Variants in NDST4 observed in about 807,000 individuals in gnomAD.
The protein encoded by NDST4 is N-heparan sulfate sulfotransferase 4.
A neutral mutation model predicts 100.8 loss-of-function variants in NDST4; 63 were observed. That is an observed-to-expected ratio of 0.62 (90% confidence interval 0.51 to 0.77). NDST4 has a LOEUF of 0.77. Among genes scored for constraint, NDST4 ranks in the 30% least tolerant of loss-of-function variants. The probability of loss-of-function intolerance (pLI) is 0.00; values close to 1 mark genes in which losing one functional copy is unlikely to be tolerated. For synonymous variants in NDST4, 377 were observed against 361.8 expected, an observed-to-expected ratio of 1.04 and a Z score of -0.48; for missense variants, 943 against 1,018.4, an observed-to-expected ratio of 0.93 and a Z score of 1.01.
intron 2 of NDST4, among the ~76,000 whole-genome samples, chr4:115,058,629 A>C (rs1221185982): frequency 6.6e-6 from 1 of 152,146 alleles, no homozygotes; most frequent in Non-Finnish European, 1.5e-5. Context: ...AGACATTTAA[A>C]ATAAAGATGT....
At chr4:115,038,981 A>G (rs546282800) in intron 2 of NDST4, among the ~76,000 whole-genome samples, 1 of 147,776 alleles carries the variant, frequency 6.8e-6, no homozygotes, top group Admixed American at 6.6e-5. Flanking sequence ...CTACCTCAGA[A>G]AGAAAAAAAA....
intron 6 of NDST4, among the ~76,000 whole-genome samples, chr4:114,885,715 C>T (rs1441356208): frequency 1.3e-5 from 2 of 151,734 alleles, no homozygotes; most frequent in Non-Finnish European, 2.9e-5. Flanking sequence ...TTCTGTATTC[C>T]CATAGGATTT....
intron 7 of NDST4, among the ~76,000 whole-genome samples, chr4:114,861,693 G>T (rs72679768): frequency 0.1 from 15,462 of 151,856 alleles, 1,059 homozygotes; most frequent in African/African-American, 0.18. Context: ...GCCAACTTGA[G>T]GATATAGATT....
chr4:114,904,152 T>C (rs1026336597), intron 6 of NDST4, among the ~76,000 whole-genome samples: 11 of 152,034 alleles, frequency 7.2e-5, no homozygotes, highest in African/African-American at 2.7e-4. Flanking sequence ...AGTGCTATCC[T>C]TTTCCATATT....
intron 10 of NDST4, among the ~76,000 whole-genome samples, chr4:114,844,223 C>T (rs1210543422): frequency 6.6e-6 from 1 of 152,194 alleles, no homozygotes. Flanking sequence ...AGTGTGATTT[C>T]TCCAAAGAGT....
intron 1 of NDST4, among the ~76,000 whole-genome samples, chr4:115,096,783 T>G (rs1463520136): frequency 1.3e-5 from 2 of 152,160 alleles, no homozygotes; most frequent in Admixed American, 6.6e-5. Context: ...CGCTATATTT[T>G]GTTCCTGTCT....
chr4:115,017,302 T>C (rs1334579700), intron 2 of NDST4, among the ~76,000 whole-genome samples: 1 of 152,100 alleles, frequency 6.6e-6, no homozygotes, highest in East Asian at 1.9e-4. Flanking sequence ...TCTTTAATTA[T>C]ACTTTGGGGT....
intron 1 of NDST4, among the ~76,000 whole-genome samples, chr4:115,110,726 G>T (rs1459786739): frequency 6.6e-6 from 1 of 151,610 alleles, no homozygotes; most frequent in Non-Finnish European, 1.5e-5. Flanking sequence ...AGGCTTATTT[G>T]CATTTTTTCA....
chr4:115,095,552 C>A (rs1035295302), intron 1 of NDST4, among the ~76,000 whole-genome samples: 19 of 151,970 alleles, frequency 1.3e-4, no homozygotes, highest in Admixed American at 1.3e-4. Context: ...TTTCTACTCC[C>A]TAAAATCCTC....
At position 114,829,788 on chromosome 4, in the gene NDST4, A is replaced by G; in HGVS notation, c.2499+2T>C. 1.3e-6 allele frequency: 2 copies of G among 1,585,602 alleles called. No homozygotes were observed. Among genetic ancestry groups the G allele is most frequent in the African/African-American group, 1.4e-5 (1 of 73,234 alleles). ...GTAATTCAAAGATTAAAAAATTATT[A>G]CCTCTGGATCCATAGGTGGATATTT... On this transcript the variant is annotated splice_donor_variant, in intron 13 of 13. Coordinates refer to ENST00000264363, the MANE Select transcript of NDST4 (RefSeq NM_022569.3). LOFTEE classifies it high-confidence loss of function.
At chr4:114,835,080 A>AT (rs1029503793) in intron 11 of NDST4, among the ~76,000 whole-genome samples, 19 of 152,048 alleles carry the variant, frequency 1.2e-4, no homozygotes, top group African/African-American at 4.6e-4. Flanking sequence ...GGATTCATGG[A>AT]TTTTTTGAAA....
chr4:115,060,325 C>A (rs935930736), intron 2 of NDST4, among the ~76,000 whole-genome samples: 1 of 151,864 alleles, frequency 6.6e-6, no homozygotes, highest in African/African-American at 2.4e-5. Flanking sequence ...GGAATTAACT[C>A]TATTTACTGT....
chr4:114,869,787 T>G (rs1275734036), intron 7 of NDST4, among the ~76,000 whole-genome samples: 1 of 152,192 alleles, frequency 6.6e-6, no homozygotes, highest in African/African-American at 2.4e-5. Context: ...AAAAAATTTA[T>G]TTTGTTCTTT....
chr4:114,973,284 T>C (rs1726555116), intron 3 of NDST4, among the ~76,000 whole-genome samples: 1 of 152,002 alleles, frequency 6.6e-6, no homozygotes, highest in South Asian at 2.1e-4. Flanking sequence ...ATACCTAATA[T>C]ATACTTAAAG....
chr4:114,914,602 A>G (rs1231738702), intron 6 of NDST4, among the ~76,000 whole-genome samples: 3 of 152,202 alleles, frequency 2.0e-5, no homozygotes, highest in Non-Finnish European at 4.4e-5. Flanking sequence ...GACTGTGTGT[A>G]GACTATGGGG....
At chr4:115,016,692 C>T (rs181223658) in intron 2 of NDST4, among the ~76,000 whole-genome samples, 1 of 152,150 alleles carries the variant, frequency 6.6e-6, no homozygotes, top group Admixed American at 6.6e-5. Flanking sequence ...GTATGCAATA[C>T]AGGAGATACC....
intron 2 of NDST4, among the ~76,000 whole-genome samples, chr4:115,031,259 T>G (rs1035342136): frequency 6.6e-6 from 1 of 152,134 alleles, no homozygotes; most frequent in Admixed American, 6.6e-5. Context: ...TTGTTTTTAA[T>G]GCCTCCTGCT....
chr4:114,850,131 A>G (rs1169113302), intron 8 of NDST4, among the ~76,000 whole-genome samples: 2 of 152,206 alleles, frequency 1.3e-5, no homozygotes, highest in Admixed American at 6.5e-5. Context: ...CACAAATGAG[A>G]AAATTGATAG....
intron 2 of NDST4, among the ~76,000 whole-genome samples, chr4:115,074,354 A>T (rs953045998): frequency 6.6e-6 from 1 of 152,056 alleles, no homozygotes; most frequent in Non-Finnish European, 1.5e-5. Context: ...ATTGATCTTT[A>T]GCCTGAAACT....
Sources: allele counts gnomAD v4.1 joint callset (sites outside exome capture counted in the v4.1 genomes callset), GRCh38; gene constraint gnomAD v4.1.1; transcripts MANE v1.5; gene names NCBI Gene and HGNC (gene_info 2026-07-23, HGNC 2026-07-21).